The following BET1L variants were observed in gnomAD, a reference collection of about 807,000 sequenced individuals.
BET1L encodes Bet1 golgi vesicular membrane trafficking protein like.
Under a neutral mutation model 12.6 loss-of-function variants are expected in BET1L, and 13 were observed. That is an observed-to-expected ratio of 1.03 (90% CI 0.67 to 1.64). BET1L has a LOEUF of 1.64. Among genes scored for constraint, BET1L ranks in the 40% most tolerant of loss-of-function variants. The pLI is 0.00. For missense variants in BET1L, 154 were observed against 150.7 expected (o/e 1.02, Z -0.11); for synonymous variants, 60 against 56.9 (o/e 1.05, Z -0.25).
In BET1L at chr11:207,348, G is replaced by C; in HGVS notation, c.-27C>G. 8.3e-7 allele frequency: 1 copy of C among 1,202,112 alleles called. No homozygotes were observed. Among genetic ancestry groups the C allele is most frequent in the Non-Finnish European group, 1.1e-6 (1 of 917,206 alleles). 74.5% of individuals were successfully genotyped at this position (1,202,112 alleles called of 1,614,324 possible). A position where few individuals can be genotyped will look rare whatever the true frequency, so the allele number is the denominator to read the frequency against. The stretch of plus-strand genomic sequence containing the variant: ...GTGCCCTGCCCCGGCTCCTCGACGC[G>C]GACACCGACGCGGCCACAGCCGCCT... On this transcript the variant is annotated 5_prime_UTR_variant, in exon 1 of 4. Coordinates refer to ENST00000382762, the MANE Select transcript of BET1L (RefSeq NM_001098787.2).
chr11:207,378 C>G lies in BET1L; in HGVS notation c.-57G>C. 6.6e-7 allele frequency: 1 copy of G among 1,507,448 alleles called. No individual in the cohort carries two copies. Among genetic ancestry groups the G allele is most frequent in the Non-Finnish European group, 8.8e-7 (1 of 1,133,468 alleles). The allele number at this position is 1,507,448 out of a possible 1,614,324, so 93.4% of individuals were successfully genotyped here. ...CCGACGCGGCCACAGCCGCCTCAGA[C>G]GTGGCGCAGTCGCGGGGAAAGAGCT... On this transcript the variant is annotated 5_prime_UTR_variant, in exon 1 of 4. Transcript: ENST00000382762.
intron 1 of BET1L, 69 bp downstream of exon 1, chr11:207,234 G>T: frequency 1.3e-6 from 2 of 1,501,258 alleles, no homozygotes; most frequent in South Asian, 1.2e-5. Context: ...AGGCGCACGC[G>T]GCTCTACAGG....
intron 1 of BET1L, chr11:206,884 G>T: frequency 4.6e-6 from 1 of 217,230 alleles, no homozygotes; most frequent in Non-Finnish European, 9.2e-6. Flanking sequence ...AAGAACACGG[G>T]CTCCAGGAGG....
Position 206,037 on chromosome 11 carries a change from C to A in BET1L, c.26G>T (p.Ser9Ile). The A allele has an allele frequency of 3.1e-6, 5 of 1,613,736 alleles. No individual in the cohort carries two copies. The highest frequency in any genetic ancestry group is 1.1e-5 in the South Asian group (1 of 91,086). Residue 9 changes from serine (S) to isoleucine (I), a missense_variant, in exon 2 of 4, where the codon AGC (serine) becomes ATC (isoleucine). Physicochemically the swap from Ser to Ile is moderately radical, Grantham distance 142. Coordinates refer to ENST00000382762, the MANE Select transcript of BET1L (RefSeq NM_001098787.2). ...TAGAATCTCTTCCACAGCGCCCGGG[C>A]TCTGAGCTGAGAAAAGAGAGGGGCT... The part of the protein sequence containing the change: MADWARAQ[S>I]PGAVEEILDR...
intron 1 of BET1L, 89 bp downstream of exon 1, chr11:207,214 G>A: frequency 6.8e-7 from 1 of 1,474,574 alleles, no homozygotes; most frequent in Non-Finnish European, 9.0e-7. Context: ...ACCCCAGCTG[G>A]GCCAGAGGCA....
In BET1L at chr11:203,465, G is replaced by C. The variant is rs990325873; in HGVS notation, c.*1837C>G. The C allele has an allele frequency of 1.3e-5, 2 of 152,516 alleles. No individual in the cohort carries two copies. Among genetic ancestry groups the C allele is most frequent in the Non-Finnish European group, 2.9e-5 (2 of 68,058 alleles). 9.4% of individuals were successfully genotyped at this position (152,516 alleles called of 1,614,324 possible). On this transcript the variant is annotated 3_prime_UTR_variant, in exon 4 of 4. Coordinates refer to ENST00000382762, the MANE Select transcript of BET1L (RefSeq NM_001098787.2). ...CACCACCATGGAAAGAGCACCTGGGGTGTAGCTGGTTACCACAGCTCAGCC... is the reference window on the plus strand; with the variant it reads ...CACCACCATGGAAAGAGCACCTGGGCTGTAGCTGGTTACCACAGCTCAGCC...
chr11:205,034 G>A lies in BET1L; in HGVS notation c.*268C>T, dbSNP rs1189378473. The A allele has an allele frequency of 2.2e-6, 1 of 455,382 alleles. No homozygotes were observed. Among genetic ancestry groups the A allele is most frequent in the South Asian group, 2.2e-5 (1 of 45,576 alleles). 28.2% of individuals were successfully genotyped at this position (455,382 alleles called of 1,614,324 possible). ...CTTCTCCAGACACGCTGTGGCCCCA[G>A]CTCTGCCTGGCTCTCTAGCACCTGG... is the stretch of plus-strand genomic sequence containing the variant. On this transcript the variant is annotated 3_prime_UTR_variant, in exon 4 of 4. Coordinates refer to ENST00000382762, the MANE Select transcript of BET1L (RefSeq NM_001098787.2).
chr11:203,436 C>G lies in BET1L; in HGVS notation c.*1866G>C, dbSNP rs1855079959. On this transcript the variant is annotated 3_prime_UTR_variant, in exon 4 of 4. Coordinates refer to ENST00000382762, the MANE Select transcript of BET1L (RefSeq NM_001098787.2). ...TCCTAGTTTGCATCAGCAAGATGAG[C>G]AGGCACCACCATGGAAAGAGCACCT... The G allele has an allele frequency of 6.6e-6, 1 of 152,454 alleles. No homozygotes were observed. Among genetic ancestry groups the G allele is most frequent in the Non-Finnish European group, 1.5e-5 (1 of 68,052 alleles). 9.4% of individuals were successfully genotyped at this position (152,454 alleles called of 1,614,324 possible).
At chr11:206,919 G>C (rs1007140168) in intron 1 of BET1L, 4 of 271,544 alleles carry the variant, frequency 1.5e-5, no homozygotes, top group African/African-American at 8.9e-5. Context: ...CGAGGCCAAA[G>C]TAAGAGTCCT....
Position 205,295 on chromosome 11 carries a change from C to T in BET1L, c.*7G>A, listed in dbSNP as rs746360379. ...CTTGGCACCCACAGACACCAGCTCC[C>T]ACTGGCTCACGTCCTTGCCCTGGAC... On this transcript the variant is annotated 3_prime_UTR_variant, in exon 4 of 4. Coordinates refer to ENST00000382762, the MANE Select transcript of BET1L (RefSeq NM_001098787.2). The T allele has an allele frequency of 9.3e-6, 15 of 1,609,496 alleles. No individual in the cohort carries two copies. The East Asian group carries it at 3.4e-4, about 36-fold the overall frequency.
chr11:207,220 A>G, intron 1 of BET1L, 83 bp downstream of exon 1: 1 of 1,484,858 alleles, frequency 6.7e-7, no homozygotes, highest in Non-Finnish European at 8.9e-7. Context: ...GCTGGGCCAG[A>G]GGCAGGCGCA....
At chr11:206,111 A>C in intron 1 of BET1L, 68 bp from the exon 2 acceptor site, 1 of 1,395,058 alleles carries the variant, frequency 7.2e-7, no homozygotes, top group Non-Finnish European at 1.0e-6. Flanking sequence ...CTCTCACTCC[A>C]ACCACATCTG....
intron 1 of BET1L, 28 bp downstream of exon 1, chr11:207,275 C>G (rs6598075): frequency 0.25 from 383,928 of 1,528,588 alleles, 49,105 homozygotes; most frequent in African/African-American, 0.33. Context: ...CGGCCCTGCC[C>G]CCAACGGCTC....
chr11:205,715 A>G, intron 2 of BET1L, 48 bp from the exon 3 acceptor site: 1 of 1,581,286 alleles, frequency 6.3e-7, no homozygotes, highest in Non-Finnish European at 8.6e-7. Flanking sequence ...CAGACACATA[A>G]TACAGCACTC....
At chr11:206,291 CAGCACCTTCTGAGACTGTGT>C (rs1225336498) in intron 1 of BET1L, among the ~76,000 whole-genome samples, 1 of 152,212 alleles carries the variant, frequency 6.6e-6, no homozygotes, top group Non-Finnish European at 1.5e-5. Context: ...TCGGTCCAAC[CAGCACCTTCTGAGACTGTGT>C]AGCAAAAACT....
At chr11:205,725 C>A in intron 2 of BET1L, 58 bp from the exon 3 acceptor site, 1 of 1,568,072 alleles carries the variant, frequency 6.4e-7, no homozygotes. Context: ...ATACAGCACT[C>A]ACCCTCCCCA....
intron 1 of BET1L, chr11:206,945 G>A: frequency 2.9e-6 from 1 of 341,668 alleles, no homozygotes; most frequent in Non-Finnish European, 5.4e-6. Context: ...GACACCAGCG[G>A]AGCACAGCCT....
At position 207,376 on chromosome 11, in the gene BET1L, G is replaced by A. The variant is rs1855202910; in HGVS notation, c.-55C>T. 3 of 1,511,490 alleles carry A rather than the reference G, an allele frequency of 2.0e-6. No individual in the cohort carries two copies. Among genetic ancestry groups the A allele is most frequent in the South Asian group, 1.2e-5 (1 of 82,048 alleles). The allele number at this position is 1,511,490 out of a possible 1,614,324, so 93.6% of individuals were successfully genotyped here. ...CACCGACGCGGCCACAGCCGCCTCAGACGTGGCGCAGTCGCGGGGAAAGAG... is the reference window on the plus strand; with the variant it reads ...CACCGACGCGGCCACAGCCGCCTCAAACGTGGCGCAGTCGCGGGGAAAGAG... On this transcript the variant is annotated 5_prime_UTR_variant, in exon 1 of 4. Coordinates refer to ENST00000382762, the MANE Select transcript of BET1L (RefSeq NM_001098787.2).
intron 1 of BET1L, chr11:206,868 G>A: frequency 5.0e-6 from 1 of 199,266 alleles, no homozygotes; most frequent in Non-Finnish European, 1.0e-5. Context: ...ATCCCACTTT[G>A]CAGACAAGAA....
Sources: allele counts gnomAD v4.1 joint callset (sites outside exome capture counted in the v4.1 genomes callset), GRCh38; gene constraint gnomAD v4.1.1; transcripts MANE v1.5; gene names NCBI Gene and HGNC (gene_info 2026-07-23, HGNC 2026-07-21).